Variants in SDK1 observed in about 807,000 individuals in gnomAD.
SDK1 encodes the protein protein sidekick-1.
A neutral mutation model predicts 245.5 loss-of-function variants in SDK1; 157 were observed. The observed-to-expected ratio is 0.64, with a 90% CI of 0.56 to 0.73. SDK1 has a LOEUF of 0.73. SDK1 is among the 30% of genes least tolerant of loss of function. The pLI is 0.00. For missense variants in SDK1, 3,583 were observed against 3,002.3 expected (o/e 1.19, Z -4.52); for synonymous variants, 1,647 against 1,278.5 (o/e 1.29, Z -6.15).
At chr7:4,217,070 AGGC>A (rs1784845660) in intron 38 of SDK1, among the ~76,000 whole-genome samples, 2 of 21,672 alleles carry the variant, frequency 9.2e-5, no homozygotes, top group Non-Finnish European at 1.8e-4. Flanking sequence ...CCGGAGCACC[AGGC>A]CACCCGGAGC....
chr7:4,084,327 G>T (rs191607290), intron 22 of SDK1, among the ~76,000 whole-genome samples: 2 of 152,294 alleles, frequency 1.3e-5, no homozygotes, highest in Admixed American at 1.3e-4. Flanking sequence ...TACCTGTTCA[G>T]TGGGTTTCAG....
chr7:3,583,826 A>C (rs1780595677), intron 1 of SDK1, among the ~76,000 whole-genome samples: 1 of 151,980 alleles, frequency 6.6e-6, no homozygotes, highest in South Asian at 2.1e-4. Context: ...ATTTCACTGG[A>C]GAAAGAAGGT....
At chr7:3,462,743 T>G (rs1780872475) in intron 1 of SDK1, among the ~76,000 whole-genome samples, 1 of 152,112 alleles carries the variant, frequency 6.6e-6, no homozygotes, top group Non-Finnish European at 1.5e-5. Context: ...TCCCCTCCTC[T>G]CTCTATTGCC....
intron 40 of SDK1, among the ~76,000 whole-genome samples, chr7:4,228,612 T>C (rs776523417): frequency 2.6e-4 from 40 of 152,350 alleles, no homozygotes; most frequent in Non-Finnish European, 3.8e-4. Flanking sequence ...CAATCTCGGC[T>C]CACTGCAACC....
At chr7:3,558,265 A>C (rs1779648651) in intron 1 of SDK1, among the ~76,000 whole-genome samples, 1 of 152,226 alleles carries the variant, frequency 6.6e-6, no homozygotes, top group Non-Finnish European at 1.5e-5. Context: ...GAGTTGCTGG[A>C]GGGGACAAGA....
At chr7:3,514,028 C>A (rs1386717367) in intron 1 of SDK1, among the ~76,000 whole-genome samples, 2 of 152,152 alleles carry the variant, frequency 1.3e-5, no homozygotes, top group African/African-American at 4.8e-5. Flanking sequence ...TTATTCAGTC[C>A]ACCATTGATA....
chr7:4,059,593 C>G (rs748757054), intron 19 of SDK1, among the ~76,000 whole-genome samples: 3 of 152,140 alleles, frequency 2.0e-5, no homozygotes, highest in South Asian at 4.1e-4. Flanking sequence ...CTAAATGGAC[C>G]TAACAGACAT....
intron 35 of SDK1, among the ~76,000 whole-genome samples, chr7:4,193,497 A>C (rs1783362975): frequency 6.6e-6 from 1 of 150,966 alleles, no homozygotes. Flanking sequence ...TCCTTCTGGC[A>C]AAAAAGGTTC....
At chr7:3,753,068 G>T (rs1232890659) in intron 4 of SDK1, among the ~76,000 whole-genome samples, 1 of 152,100 alleles carries the variant, frequency 6.6e-6, no homozygotes, top group African/African-American at 2.4e-5. Context: ...ATCTTTCAAT[G>T]TACTGCCATC....
chr7:4,088,104 A>C (rs1336299802), intron 22 of SDK1, among the ~76,000 whole-genome samples: 6 of 152,204 alleles, frequency 3.9e-5, no homozygotes, highest in Non-Finnish European at 7.3e-5. Flanking sequence ...CCGAGGTCAC[A>C]CAGCCAAGCC....
intron 19 of SDK1, among the ~76,000 whole-genome samples, chr7:4,055,347 C>T (rs1779128489): frequency 1.3e-5 from 2 of 152,104 alleles, no homozygotes; most frequent in Non-Finnish European, 2.9e-5. Context: ...AGGAGTTGAT[C>T]CTCTAAGAGT....
At position 4,049,445 on chromosome 7, in the gene SDK1, C is replaced by T. The variant is rs376311974; in HGVS notation, c.2700C>T (p.Gly900=). Residue 900 remains glycine, a synonymous_variant, in exon 18 of 45, where the codon GGC becomes GGT. Coordinates refer to ENST00000404826, the MANE Select transcript of SDK1 (RefSeq NM_152744.4). The stretch of plus-strand genomic sequence containing the variant: ...CTCCGCCTCAGCAGTTTATCAATGG[C>T]ATCAACCAGGGATACAAGGTACGTG... The part of the protein sequence containing the change: ...WNPPPQQFIN[G]INQGYKLLAW... 2.5e-6 allele frequency: 4 copies of T among 1,613,404 alleles called. No individual in the cohort carries two copies. Among genetic ancestry groups the T allele is most frequent in the Non-Finnish European group, 3.4e-6 (4 of 1,179,456 alleles).
intron 1 of SDK1, among the ~76,000 whole-genome samples, chr7:3,461,244 T>C (rs1370215977): frequency 6.6e-6 from 1 of 152,206 alleles, no homozygotes; most frequent in Admixed American, 6.5e-5. Flanking sequence ...TTTCTCTTGA[T>C]TCCTGTCCAT....
intron 4 of SDK1, among the ~76,000 whole-genome samples, chr7:3,808,513 A>G (rs1024110317): frequency 6.6e-6 from 1 of 152,324 alleles, no homozygotes; most frequent in Middle Eastern, 3.4e-3. Flanking sequence ...TAAATAATGC[A>G]AGGCCTCAAT....
intron 1 of SDK1, 121 bp from the exon 2 acceptor site, chr7:3,618,959 C>T (rs1284933472): frequency 8.9e-6 from 7 of 789,314 alleles, no homozygotes; most frequent in Non-Finnish European, 1.4e-5. Flanking sequence ...TTAATTGGGC[C>T]AAACAGCCAT....
intron 5 of SDK1, among the ~76,000 whole-genome samples, chr7:3,946,861 A>C (rs2128123666): frequency 6.6e-6 from 1 of 152,340 alleles, no homozygotes; most frequent in Middle Eastern, 3.4e-3. Context: ...TGGGTAAAAG[A>C]GAACAGTACA....
At chr7:4,118,687 C>G (rs75365224) in intron 25 of SDK1, among the ~76,000 whole-genome samples, 1,453 of 125,390 alleles carry the variant, frequency 0.012, 105 homozygotes, top group African/African-American at 0.038. Context: ...AAATATCACT[C>G]AGTTGACAAA....
intron 4 of SDK1, among the ~76,000 whole-genome samples, chr7:3,816,562 T>A (rs1362716904): frequency 2.0e-5 from 3 of 151,796 alleles, no homozygotes; most frequent in Non-Finnish European, 4.4e-5. Context: ...GTTGAATCTC[T>A]GAATAGACCA....
At chr7:4,232,499 C>G (rs1372007851) in intron 40 of SDK1, among the ~76,000 whole-genome samples, 1 of 147,328 alleles carries the variant, frequency 6.8e-6, no homozygotes, top group Non-Finnish European at 1.5e-5. Flanking sequence ...ACTCTGTTAC[C>G]CAGGCTGTAG....
Sources: allele counts gnomAD v4.1 joint callset (sites outside exome capture counted in the v4.1 genomes callset), GRCh38; gene constraint gnomAD v4.1.1; transcripts MANE v1.5; gene names NCBI Gene and HGNC (gene_info 2026-07-23, HGNC 2026-07-21).